The following COL22A1 variants were observed in gnomAD, a reference collection of about 807,000 sequenced individuals.
The protein encoded by COL22A1 is collagen type XXII alpha 1 chain.
A neutral mutation model predicts 248.9 loss-of-function variants in COL22A1; 221 were observed. That is an observed-to-expected ratio of 0.89 (90% confidence interval 0.80 to 0.99). The LOEUF (loss-of-function observed/expected upper bound fraction) is 0.99, where lower values mean the gene tolerates loss of function less well. COL22A1 is among the 50% of genes least tolerant of loss of function. COL22A1 has a pLI of 0.00. For synonymous variants in COL22A1, 891 were observed against 793.4 expected (o/e 1.12, Z -2.07); for missense variants, 2,240 against 2,179.0 (o/e 1.03, Z -0.56).
chr8:138,669,323 G>T (rs1352700619), intron 41 of COL22A1, among the ~76,000 whole-genome samples: 1 of 152,184 alleles, frequency 6.6e-6, no homozygotes, highest in African/African-American at 2.4e-5. Context: ...GCTCGGCCAC[G>T]GCCGTGGGGT....
chr8:138,644,175 C>T (rs763319254), intron 47 of COL22A1, among the ~76,000 whole-genome samples: 99 of 152,258 alleles, frequency 6.5e-4, no homozygotes, highest in South Asian at 1.4e-3. Flanking sequence ...TTTGACACTG[C>T]TGGAATTTGG....
At chr8:138,629,076 G>T (rs1433867450) in intron 50 of COL22A1, among the ~76,000 whole-genome samples, 1 of 151,740 alleles carries the variant, frequency 6.6e-6, no homozygotes, top group Admixed American at 6.6e-5. Flanking sequence ...CTCCCAAAGT[G>T]CTGTGATTAC....
intron 1 of COL22A1, among the ~76,000 whole-genome samples, chr8:138,891,412 G>A (rs916242061): frequency 6.6e-6 from 1 of 152,198 alleles, no homozygotes; most frequent in Non-Finnish European, 1.5e-5. Flanking sequence ...CTTGGCATCA[G>A]ATCTGAAGGG....
chr8:138,597,177 C>A lies in COL22A1; in HGVS notation c.4366-207G>T, dbSNP rs927574792. Among the ~76,000 whole-genome samples the A allele has an allele frequency of 2.0e-5, 3 of 152,198 alleles. No individual in the cohort carries two copies. In the South Asian group the frequency reaches 6.2e-4, roughly 31 times the overall value. On this transcript the variant is annotated intron_variant, in intron 61 of 64. Coordinates refer to ENST00000303045, the MANE Select transcript of COL22A1 (RefSeq NM_152888.3). ...GCATCATCCCATTTTACACAGCAAC[C>A]CGGACTCTGGGCTCTCTGAGCCACT...
chr8:138,633,589 TCA>T (rs961775145), intron 49 of COL22A1, among the ~76,000 whole-genome samples: 2 of 152,242 alleles, frequency 1.3e-5, no homozygotes, highest in African/African-American at 2.4e-5. Flanking sequence ...GCTAATGTCA[TCA>T]TAATATACAA....
intron 22 of COL22A1, among the ~76,000 whole-genome samples, chr8:138,741,427 A>AT (rs1831550013): frequency 6.6e-6 from 1 of 152,332 alleles, no homozygotes; most frequent in Admixed American, 6.5e-5. Context: ...AGAAGTTTAA[A>AT]TCTAAGGTAC....
chr8:138,655,563 C>T (rs893314993), intron 45 of COL22A1, among the ~76,000 whole-genome samples: 5 of 152,154 alleles, frequency 3.3e-5, no homozygotes, highest in Non-Finnish European at 5.9e-5. Flanking sequence ...GATCAGGTCT[C>T]TCTATGTTGC....
At position 138,776,300 on chromosome 8, in the gene COL22A1, G is replaced by A. The variant is rs113206904; in HGVS notation, c.1759-290C>T. Among the ~76,000 whole-genome samples, 1,346 of 152,256 alleles carry A rather than the reference G, an allele frequency of 8.8e-3. 27 individuals are homozygous for A. Among genetic ancestry groups the A allele is most frequent in the African/African-American group, 0.03 (1,245 of 41,528 alleles). On this transcript the variant is annotated intron_variant, in intron 15 of 64. Transcript: ENST00000303045. ...ACGGCCATAGATTGGGACATAGCCC[G>A]GCTCCTGAACTCCAGTGGCCAAGGA...
chr8:138,858,158 TG>T (rs1166590909), intron 3 of COL22A1, among the ~76,000 whole-genome samples: 2 of 152,172 alleles, frequency 1.3e-5, no homozygotes, highest in African/African-American at 4.8e-5. Context: ...GCTTTACGTG[TG>T]TGGCACCTCC....
intron 16 of COL22A1, among the ~76,000 whole-genome samples, chr8:138,769,426 G>A (rs1051768254): frequency 1.3e-5 from 2 of 152,190 alleles, no homozygotes; most frequent in African/African-American, 4.8e-5. Flanking sequence ...GTCTCCTTGG[G>A]AAGGGGGAAG....
At chr8:138,783,173 G>A (rs551705911) in intron 12 of COL22A1, among the ~76,000 whole-genome samples, 2 of 152,106 alleles carry the variant, frequency 1.3e-5, no homozygotes, top group Admixed American at 6.6e-5. Context: ...TCTGACCCTC[G>A]CTTAGAGGAG....
At chr8:138,685,008 C>T (rs1826230841) in intron 38 of COL22A1, among the ~76,000 whole-genome samples, 200 bp downstream of exon 38, 1 of 152,222 alleles carries the variant, frequency 6.6e-6, no homozygotes, top group African/African-American at 2.4e-5. Flanking sequence ...TCTCTGTATC[C>T]CCAGCACTGG....
chr8:138,715,353 T>C (rs984621896), intron 30 of COL22A1, among the ~76,000 whole-genome samples: 5 of 150,892 alleles, frequency 3.3e-5, no homozygotes, highest in Non-Finnish European at 5.9e-5. Context: ...AGGTCAGGAG[T>C]TGCACAGGAG....
intron 1 of COL22A1, among the ~76,000 whole-genome samples, chr8:138,890,010 C>T (rs2132105468): frequency 6.6e-6 from 1 of 152,188 alleles, no homozygotes; most frequent in South Asian, 2.1e-4. Context: ...CAAATTCGGG[C>T]AGCATAGTAA....
At chr8:138,721,729 G>C (rs1829882664) in intron 26 of COL22A1, among the ~76,000 whole-genome samples, 1 of 152,200 alleles carries the variant, frequency 6.6e-6, no homozygotes, top group Non-Finnish European at 1.5e-5. Context: ...AAGTGAATGG[G>C]AATACAGGTG....
At chr8:138,614,290 G>A (rs866301411) in intron 55 of COL22A1, among the ~76,000 whole-genome samples, 36 of 152,160 alleles carry the variant, frequency 2.4e-4, no homozygotes, top group Non-Finnish European at 8.8e-5. Flanking sequence ...TCATGTCTGA[G>A]TCACCAGGGT....
chr8:138,618,081 C>T (rs2131923039), intron 53 of COL22A1, among the ~76,000 whole-genome samples: 1 of 152,284 alleles, frequency 6.6e-6, no homozygotes, highest in Non-Finnish European at 1.5e-5. Context: ...TGAGAGAGTG[C>T]CTGTCAGGCA....
At chr8:138,819,146 T>G (rs1161548438) in intron 7 of COL22A1, among the ~76,000 whole-genome samples, 1 of 152,234 alleles carries the variant, frequency 6.6e-6, no homozygotes, top group Non-Finnish European at 1.5e-5. Context: ...AAGCAAGTTA[T>G]GACAAAGTCT....
rs138756615 is a variant in COL22A1, at chr8:138,748,960, G to A, written c.2085+2498C>T. On this transcript the variant is annotated intron_variant, in intron 22 of 64. Transcript: ENST00000303045. ...CCTGGTGGGAGATCATTGAATCATGGGGGCAGTTTCCCCCATACTATTCTT... is the reference window on the plus strand; with the variant it reads ...CCTGGTGGGAGATCATTGAATCATGAGGGCAGTTTCCCCCATACTATTCTT... Among the ~76,000 whole-genome samples the A allele has an allele frequency of 4.4e-3, 663 of 152,248 alleles. 5 individuals are homozygous for A. Among genetic ancestry groups the A allele is most frequent in the South Asian group, 0.025 (120 of 4,820 alleles).
Sources: allele counts gnomAD v4.1 joint callset (sites outside exome capture counted in the v4.1 genomes callset), GRCh38; gene constraint gnomAD v4.1.1; transcripts MANE v1.5; gene names NCBI Gene and HGNC (gene_info 2026-07-23, HGNC 2026-07-21).